Variants in MLLT3 observed in about 807,000 individuals in gnomAD.
MLLT3 encodes protein AF-9.
In MLLT3, 4 loss-of-function variants were observed where a neutral mutation model predicts 53.2. That is an observed-to-expected ratio of 0.08 (90% CI 0.04 to 0.17). The LOEUF (loss-of-function observed/expected upper bound fraction) is 0.17, where lower values mean the gene tolerates loss of function less well. MLLT3 is among the 10% of genes least tolerant of loss of function. The pLI is 1.00. For missense variants in MLLT3, 569 were observed against 684.0 expected (o/e 0.83, Z 1.87); for synonymous variants, 283 against 230.6 (o/e 1.23, Z -2.06).
At chr9:20,357,979 G>GCACA (rs1491136011) in intron 8 of MLLT3, among the ~76,000 whole-genome samples, 3,742 of 137,794 alleles carry the variant, frequency 0.027, 109 homozygotes, top group Middle Eastern at 0.096. Context: ...CCTCCCTCCT[G>GCACA]CGCACACACA....
intron 2 of MLLT3, among the ~76,000 whole-genome samples, chr9:20,527,997 C>T (rs1185162404): frequency 6.6e-6 from 1 of 152,172 alleles, no homozygotes; most frequent in African/African-American, 2.4e-5. Context: ...TTATCTATTC[C>T]CAGTGCAATA....
At chr9:20,591,895 G>A (rs1042772832) in intron 2 of MLLT3, among the ~76,000 whole-genome samples, 1 of 152,166 alleles carries the variant, frequency 6.6e-6, no homozygotes, top group African/African-American at 2.4e-5. Flanking sequence ...CAGGTACGGT[G>A]GCACACTTGT....
At chr9:20,493,491 T>C (rs537472103) in intron 2 of MLLT3, among the ~76,000 whole-genome samples, 2 of 152,112 alleles carry the variant, frequency 1.3e-5, no homozygotes, top group Non-Finnish European at 1.5e-5. Context: ...AGGTTTCCTA[T>C]AAGAATGTAA....
At chr9:20,422,285 T>C (rs540207072) in intron 4 of MLLT3, among the ~76,000 whole-genome samples, 1 of 152,340 alleles carries the variant, frequency 6.6e-6, no homozygotes, top group East Asian at 1.9e-4. Flanking sequence ...TTTCGACTTT[T>C]GAATAATCTC....
chr9:20,614,523 T>A (rs1429090240), intron 2 of MLLT3, among the ~76,000 whole-genome samples: 2 of 152,166 alleles, frequency 1.3e-5, no homozygotes, highest in Admixed American at 1.3e-4. Flanking sequence ...TTAATATTGA[T>A]GTGTATGTGT....
chr9:20,354,661 C>G, intron 9 of MLLT3, 147 bp downstream of exon 9: 1 of 612,222 alleles, frequency 1.6e-6, no homozygotes, highest in Non-Finnish European at 2.9e-6. Context: ...CTACAAAGCA[C>G]TGGGATGAAA....
At chr9:20,565,503 C>T (rs1221622085) in intron 2 of MLLT3, among the ~76,000 whole-genome samples, 1 of 151,896 alleles carries the variant, frequency 6.6e-6, no homozygotes, top group Non-Finnish European at 1.5e-5. Context: ...ACTGTCCTCC[C>T]CACTCTCATA....
At chr9:20,498,331 C>A (rs1237427694) in intron 2 of MLLT3, among the ~76,000 whole-genome samples, 1 of 138,594 alleles carries the variant, frequency 7.2e-6, no homozygotes, top group African/African-American at 2.6e-5. Flanking sequence ...TTTAGCCATT[C>A]TACTGAGAAT....
intron 3 of MLLT3, among the ~76,000 whole-genome samples, chr9:20,452,547 C>T (rs556004377): frequency 6.6e-6 from 1 of 151,976 alleles, no homozygotes; most frequent in African/African-American, 2.4e-5. Flanking sequence ...GACTAATATG[C>T]CATTACTATA....
intron 2 of MLLT3, among the ~76,000 whole-genome samples, chr9:20,461,665 C>G (rs1417724984): frequency 6.6e-6 from 1 of 151,802 alleles, no homozygotes; most frequent in East Asian, 1.9e-4. Context: ...TCCATAAGAC[C>G]TTCATTTAAA....
rs1432695320 is a variant in MLLT3, at chr9:20,428,459, A to C, written c.421-14034T>G. Among the ~76,000 whole-genome samples the C allele has an allele frequency of 2.0e-5, 3 of 152,044 alleles. No individual in the cohort carries two copies. The East Asian group carries it at 5.8e-4, about 29-fold the overall frequency. ...TTTGGAATTATAAAAATATACTTCA[A>C]TAATTTTCAGGTTAAAGAAGAAATT... On this transcript the variant is annotated intron_variant, in intron 4 of 10. Transcript: ENST00000380338.
intron 4 of MLLT3, among the ~76,000 whole-genome samples, chr9:20,427,381 G>T (rs1336370310): frequency 1.3e-5 from 2 of 149,256 alleles, no homozygotes; most frequent in African/African-American, 4.9e-5. Flanking sequence ...CAGCTGAAAA[G>T]AATTAGTGAA....
At chr9:20,464,354 C>T (rs1419279228) in intron 2 of MLLT3, among the ~76,000 whole-genome samples, 4 of 151,970 alleles carry the variant, frequency 2.6e-5, no homozygotes, top group Non-Finnish European at 5.9e-5. Flanking sequence ...AGACCGTTGC[C>T]TGCTAAGTAC....
rs915128980 is a variant in MLLT3 at position 20,341,770 on chromosome 9, G to T, written c.*4673C>A. 9.8e-5 allele frequency: 19 copies of T among 194,532 alleles called. No individual in the cohort carries two copies. Among genetic ancestry groups the T allele is most frequent in the Non-Finnish European group, 1.7e-4 (16 of 93,736 alleles). 12.1% of individuals were successfully genotyped at this position (194,532 alleles called of 1,614,324 possible). A position where few individuals can be genotyped will look rare whatever the true frequency, so the allele number is the denominator to read the frequency against. ...TTCTTGCTGTGAAAGTAAATGCAGG[G>T]ACTTTGTAAGATCGACTCTCTCTGG... is the stretch of plus-strand genomic sequence containing the variant. On this transcript the variant is annotated 3_prime_UTR_variant, in exon 11 of 11. Transcript: ENST00000380338.
chr9:20,404,887 C>A (rs1822542867), intron 5 of MLLT3, among the ~76,000 whole-genome samples: 1 of 152,124 alleles, frequency 6.6e-6, no homozygotes, highest in South Asian at 2.1e-4. Context: ...AGATAATTGA[C>A]TGGCCAGGTA....
chr9:20,506,764 T>C (rs1292449540), intron 2 of MLLT3, among the ~76,000 whole-genome samples: 1 of 152,218 alleles, frequency 6.6e-6, no homozygotes, highest in African/African-American at 2.4e-5. Context: ...CTTAGTGTTC[T>C]TACTTTTACA....
chr9:20,577,469 C>T (rs1235333358), intron 2 of MLLT3, among the ~76,000 whole-genome samples: 2 of 152,176 alleles, frequency 1.3e-5, no homozygotes, highest in Non-Finnish European at 2.9e-5. Flanking sequence ...AGCGCCTGTT[C>T]TCTTAACCCA....
At chr9:20,415,786 T>A (rs575735729) in intron 4 of MLLT3, among the ~76,000 whole-genome samples, 2 of 152,008 alleles carry the variant, frequency 1.3e-5, no homozygotes, top group African/African-American at 4.8e-5. Flanking sequence ...ACAAAAAATA[T>A]ATATATAGGT....
intron 5 of MLLT3, among the ~76,000 whole-genome samples, chr9:20,368,675 T>G (rs1821517888): frequency 6.6e-6 from 1 of 152,146 alleles, no homozygotes; most frequent in South Asian, 2.1e-4. Context: ...ATTCCACAGT[T>G]GCTGATCACC....
Sources: allele counts gnomAD v4.1 joint callset (sites outside exome capture counted in the v4.1 genomes callset), GRCh38; gene constraint gnomAD v4.1.1; transcripts MANE v1.5; gene names NCBI Gene and HGNC (gene_info 2026-07-23, HGNC 2026-07-21).